The following FRMD8 variants were observed in gnomAD, a reference collection of about 807,000 sequenced individuals.
The protein encoded by FRMD8 is FERM domain containing 8, also known as FERM domain-containing protein 8.
Under a neutral mutation model 54.2 loss-of-function variants are expected in FRMD8, and 37 were observed. The observed-to-expected ratio is 0.68, with a 90% CI of 0.53 to 0.90. FRMD8 has a LOEUF of 0.90. Among genes scored for constraint, FRMD8 ranks in the 40% least tolerant of loss-of-function variants. The probability of loss-of-function intolerance (pLI) is 0.00; values close to 1 mark genes in which losing one functional copy is unlikely to be tolerated. For missense variants in FRMD8, 585 were observed against 653.7 expected (o/e 0.89, Z 1.15); for synonymous variants, 246 against 286.9 (o/e 0.86, Z 1.44).
the FRMD8 span, chr11:65,377,373 T>C: frequency 4.8e-6 from 6 of 1,249,526 alleles, no homozygotes; most frequent in Non-Finnish European, 5.0e-6. Context: ...TGGATTCTTT[T>C]TGCAGGAGCA....
At chr11:65,378,422 T>G in the FRMD8 span, 1 of 152,204 alleles carries the variant, frequency 6.6e-6, no homozygotes, top group Non-Finnish European at 1.5e-5. Context: ...CCACTTCTGC[T>G]TTCCAAAGAG....
chr11:65,401,824 CTTTTTTTTTTTTTTTT>C (rs61275056), intron 9 of FRMD8, among the ~76,000 whole-genome samples: 1 of 119,762 alleles, frequency 8.3e-6, no homozygotes, highest in Non-Finnish European at 1.8e-5. Context: ...TCACAATTTT[CTTTTTTTTTTTTTTTT>C]TTTGAGACGG....
upstream of FRMD8, among the ~76,000 whole-genome samples, chr11:65,385,119 C>T (rs542335138): frequency 2.6e-4 from 40 of 152,292 alleles, no homozygotes; most frequent in African/African-American, 8.7e-4. Flanking sequence ...GCACAAGCCC[C>T]GCATCCAGTA....
chr11:65,410,654 G>A (rs1170075383), intron 10 of FRMD8, among the ~76,000 whole-genome samples: 3 of 152,196 alleles, frequency 2.0e-5, no homozygotes, highest in Admixed American at 6.5e-5. Context: ...GCTGGGCGCC[G>A]TGGCGGGCGC....
upstream of FRMD8, among the ~76,000 whole-genome samples, chr11:65,384,781 G>A (rs1469029597): frequency 1.3e-5 from 2 of 152,164 alleles, no homozygotes; most frequent in East Asian, 3.8e-4. Flanking sequence ...GGCGCTATCA[G>A]AGCTCACTGT....
chr11:65,395,237 ACT>A (rs1386721590), intron 6 of FRMD8, among the ~76,000 whole-genome samples: 3 of 136,846 alleles, frequency 2.2e-5, no homozygotes, highest in Non-Finnish European at 4.7e-5. Flanking sequence ...ACAGAGTGAG[ACT>A]CTGTCTTAAA....
Position 65,396,799 on chromosome 11 carries a change from G to A in FRMD8, c.582G>A (p.Arg194=), listed in dbSNP as rs779856259. 3 of 1,526,458 alleles carry A rather than the reference G, an allele frequency of 2.0e-6. No homozygotes were observed. In the East Asian group the frequency reaches 7.6e-5, roughly 39 times the overall value. The allele number at this position is 1,526,458 out of a possible 1,614,324, so 94.6% of individuals were successfully genotyped here. A position where few individuals can be genotyped will look rare whatever the true frequency, so the allele number is the denominator to read the frequency against. ...AGCACCTGTCTTCCTTCCTCCACAG[G>A]GAGAAGCTGGACTCCTTCCTCCCTG... is the stretch of plus-strand genomic sequence containing the variant. The part of the protein sequence containing the change: ...QPGRPAACDL[R]EKLDSFLPAH... Residue 194 remains arginine (R), a splice_region_variant and synonymous_variant, in exon 7 of 11, where the codon AGG becomes AGA. Coordinates refer to ENST00000317568, the MANE Select transcript of FRMD8 (RefSeq NM_031904.5).
chr11:65,400,678 C>CCT lies in FRMD8; in HGVS notation c.928-43_928-42dup. ...TGAGTGGGATGGGGTGGGGAGCAGA[C>CCT]CTCTGCCCAGGGGTCAAGCCTGGCT... On this transcript the variant is annotated intron_variant, in intron 8 of 10. Transcript: ENST00000317568. The surrounding 1 kb of genome is among the most constrained non-coding windows in gnomAD (Gnocchi z 4.3). 1 of 1,509,352 alleles carries CCT rather than the reference C, an allele frequency of 6.6e-7. No individual in the cohort carries two copies. 93.5% of individuals were successfully genotyped at this position (1,509,352 alleles called of 1,614,324 possible).
the FRMD8 span, among the ~76,000 whole-genome samples, chr11:65,374,286 A>G: frequency 8.1e-6 from 1 of 123,240 alleles, no homozygotes; most frequent in Non-Finnish European, 1.9e-5. Flanking sequence ...AGTTGAACTT[A>G]GGTGACTCGC....
the FRMD8 span, chr11:65,377,489 C>G: frequency 2.0e-5 from 18 of 906,996 alleles, no homozygotes; most frequent in East Asian, 1.1e-4. Context: ...AGAAACCACC[C>G]TTTCCCAGGG....
At chr11:65,382,105 G>C, upstream of FRMD8, 1 of 691,412 alleles carries the variant, frequency 1.4e-6, no homozygotes, top group East Asian at 2.7e-5. The surrounding 1 kb of genome is among the most constrained non-coding windows in gnomAD (Gnocchi z 4.4). Flanking sequence ...CCGGCAACTG[G>C]CAGAGGAGAG....
Position 65,393,667 on chromosome 11 carries a change from G to T in FRMD8, c.348G>T (p.Val116=), listed in dbSNP as rs1370056977. The T allele has an allele frequency of 6.2e-7, 1 of 1,604,444 alleles. No individual in the cohort carries two copies. The highest frequency in any genetic ancestry group is 1.3e-5 in the African/African-American group (1 of 75,046). ...LRFTSAPDDD[V]AMDEPFLQFR... The stretch of plus-strand genomic sequence containing the variant: ...TCACCAGTGCCCCAGACGATGACGT[G>T]GCCATGGGTCAGTGCTGCTGCCTGT... Residue 116 remains valine, a synonymous_variant, in exon 4 of 11, where the codon GTG becomes GTT. Transcript: ENST00000317568.
At chr11:65,401,385 G>A (rs1166864096) in intron 9 of FRMD8, among the ~76,000 whole-genome samples, 1 of 104,674 alleles carries the variant, frequency 9.6e-6, no homozygotes, top group African/African-American at 3.7e-5. Flanking sequence ...TCCCTCCCCA[G>A]CCTCCCTCCC....
chr11:65,369,988 A>G, the FRMD8 span, among the ~76,000 whole-genome samples: 2 of 149,926 alleles, frequency 1.3e-5, no homozygotes, highest in Non-Finnish European at 3.0e-5. Flanking sequence ...CCAAGATCAC[A>G]CCATTGCATT....
intron 10 of FRMD8, among the ~76,000 whole-genome samples, chr11:65,407,326 A>G (rs1856223335): frequency 6.6e-6 from 1 of 151,730 alleles, no homozygotes; most frequent in Non-Finnish European, 1.5e-5. Flanking sequence ...ATCTTGGCTC[A>G]CTGCAACCTC....
At chr11:65,369,436 A>T in the FRMD8 span, among the ~76,000 whole-genome samples, 3 of 151,766 alleles carry the variant, frequency 2.0e-5, no homozygotes, top group African/African-American at 7.3e-5. Context: ...AAAAAAAAAA[A>T]TTAAAAATTA....
At chr11:65,379,408 A>G in the FRMD8 span, 596 of 1,612,508 alleles carry the variant, frequency 3.7e-4, 9 homozygotes, top group South Asian at 6.2e-3. Context: ...CCCGCTAGGA[A>G]GATGTGCATG....
At chr11:65,407,449 G>A (rs1328751826) in intron 10 of FRMD8, among the ~76,000 whole-genome samples, 7 of 151,538 alleles carry the variant, frequency 4.6e-5, no homozygotes, top group African/African-American at 9.7e-5. Context: ...ACGGGGTTTC[G>A]CCATGTTGGC....
At chr11:65,376,066 T>G in the FRMD8 span, 2 of 201,892 alleles carry the variant, frequency 9.9e-6, no homozygotes, top group South Asian at 6.1e-5. Flanking sequence ...AAAGACTCCA[T>G]CTCAAAAAAA....
Sources: gnomAD v4.1 joint callset for allele counts (sites outside exome capture counted in the v4.1 genomes callset) on GRCh38, gnomAD v4.1.1 for gene constraint, Gnocchi (gnomAD v3.1) non-coding constraint, MANE v1.5 for transcripts, NCBI Gene and HGNC (gene_info 2026-07-23, HGNC 2026-07-21) for gene names.